Variants in CYTH1 observed in about 807,000 individuals in gnomAD.
CYTH1 encodes cytohesin 1.
CYTH1 carries 18 observed loss-of-function variants against 61.8 expected under a neutral mutation model. That is an observed-to-expected ratio of 0.29 (90% CI 0.20 to 0.43). CYTH1 has a LOEUF of 0.43. CYTH1 is among the 20% of genes least tolerant of loss of function. The pLI is 1.00. For missense variants in CYTH1, 336 were observed against 510.5 expected, an observed-to-expected ratio of 0.66 and a Z score of 3.29; for synonymous variants, 174 against 184.3, an observed-to-expected ratio of 0.94 and a Z score of 0.45.
At chr17:78,676,751 G>A (rs1247648323) in intron 13 of CYTH1, 1 of 342,616 alleles carries the variant, frequency 2.9e-6, no homozygotes, top group Non-Finnish European at 5.7e-6. Flanking sequence ...CGGTGCACAG[G>A]GAGGGGGCCC....
intron 1 of CYTH1, among the ~76,000 whole-genome samples, chr17:78,769,758 T>G (rs2093463104): frequency 6.6e-6 from 1 of 152,186 alleles, no homozygotes; most frequent in South Asian, 2.1e-4. Flanking sequence ...GGCTCACACC[T>G]GTAATTCTGA....
At chr17:78,720,643 G>A (rs1165739771) in intron 1 of CYTH1, among the ~76,000 whole-genome samples, 1 of 152,210 alleles carries the variant, frequency 6.6e-6, no homozygotes, top group African/African-American at 2.4e-5. Context: ...GAGAGGCTGA[G>A]GGAGGGAGAT....
chr17:78,756,988 C>CTTTTT (rs869039489), intron 1 of CYTH1, among the ~76,000 whole-genome samples: 1 of 129,764 alleles, frequency 7.7e-6, no homozygotes, highest in African/African-American at 2.8e-5. Flanking sequence ...TCTTTTTTTT[C>CTTTTT]TTTTTTTTTT....
At chr17:78,745,662 G>C (rs917660895) in intron 1 of CYTH1, among the ~76,000 whole-genome samples, 2 of 152,204 alleles carry the variant, frequency 1.3e-5, no homozygotes, top group East Asian at 1.9e-4. Context: ...GGGAGGCCGA[G>C]GCGGGTGGAT....
chr17:78,763,138 G>T (rs1353811319), intron 1 of CYTH1, among the ~76,000 whole-genome samples: 1 of 152,016 alleles, frequency 6.6e-6, no homozygotes, highest in Non-Finnish European at 1.5e-5. Context: ...GAGGTCAGGG[G>T]TTCGAGACCA....
chr17:78,759,239 C>T (rs2093413215), intron 1 of CYTH1, among the ~76,000 whole-genome samples: 1 of 152,174 alleles, frequency 6.6e-6, no homozygotes, highest in Non-Finnish European at 1.5e-5. Flanking sequence ...GCAACTGCCC[C>T]GAGGAAGGAC....
chr17:78,730,263 C>T (rs942964178), intron 1 of CYTH1, among the ~76,000 whole-genome samples: 11 of 151,578 alleles, frequency 7.3e-5, no homozygotes, highest in Admixed American at 4.6e-4. Context: ...CGGTGTCTCA[C>T]GCCTTTAATC....
intron 1 of CYTH1, among the ~76,000 whole-genome samples, chr17:78,760,367 A>ATATATATATATATATT (rs2093417270): frequency 1.6e-5 from 1 of 61,220 alleles, no homozygotes; most frequent in Admixed American, 1.9e-4. Flanking sequence ...ATATATATAT[A>ATATATATATATATATT]TATATATATA....
At chr17:78,736,226 G>A (rs2093319322) in intron 1 of CYTH1, among the ~76,000 whole-genome samples, 1 of 152,124 alleles carries the variant, frequency 6.6e-6, no homozygotes, top group Admixed American at 6.5e-5. Context: ...GGATATTTGT[G>A]GAATTCCCAG....
chr17:78,682,331 C>T (rs2092772435), intron 11 of CYTH1, among the ~76,000 whole-genome samples: 1 of 152,186 alleles, frequency 6.6e-6, no homozygotes, highest in East Asian at 1.9e-4. Context: ...TCAAAATCTC[C>T]TTGCTAATGC....
In CYTH1 at chr17:78,739,436, G is replaced by A. The variant is rs187235628; in HGVS notation, c.23-29704C>T. Among the ~76,000 whole-genome samples the A allele has an allele frequency of 9.2e-5, 14 of 152,314 alleles. No individual in the cohort carries two copies. The East Asian group carries it at 2.7e-3, about 29-fold the overall frequency. On this transcript the variant is annotated intron_variant, in intron 1 of 13. Transcript: ENST00000446868. ...TCAGAAAATAAGTACTGTGGAGTGG[G>A]GGAAGTGGAAGTGCAGTCAGGGAAG...
intron 10 of CYTH1, among the ~76,000 whole-genome samples, chr17:78,694,218 G>A (rs2092916457): frequency 6.6e-6 from 1 of 152,212 alleles, no homozygotes; most frequent in South Asian, 2.1e-4. Flanking sequence ...CCCTAGGCGG[G>A]CTTACGTGAC....
At chr17:78,683,002 T>C (rs1015440501) in intron 11 of CYTH1, among the ~76,000 whole-genome samples, 6 of 152,398 alleles carry the variant, frequency 3.9e-5, no homozygotes, top group South Asian at 2.1e-4. Context: ...TAGTTCTTCT[T>C]TGGAAAATAA....
At chr17:78,756,988 CTTT>C (rs869039489) in intron 1 of CYTH1, among the ~76,000 whole-genome samples, 2 of 129,764 alleles carry the variant, frequency 1.5e-5, no homozygotes, top group South Asian at 2.5e-4. Context: ...TCTTTTTTTT[CTTT>C]TTTTTTTTTT....
chr17:78,750,994 TTTTG>T (rs1346679471), intron 1 of CYTH1, among the ~76,000 whole-genome samples: 1 of 152,102 alleles, frequency 6.6e-6, no homozygotes, highest in East Asian at 1.9e-4. Flanking sequence ...TTGTGTTTTG[TTTTG>T]TTTAAGACAG....
chr17:78,750,082 T>G (rs2093373984), intron 1 of CYTH1, among the ~76,000 whole-genome samples: 1 of 152,100 alleles, frequency 6.6e-6, no homozygotes, highest in Non-Finnish European at 1.5e-5. Flanking sequence ...GAGATATGGG[T>G]GCACAGAGTG....
At chr17:78,758,491 G>C (rs1702394266) in intron 1 of CYTH1, among the ~76,000 whole-genome samples, 1 of 152,140 alleles carries the variant, frequency 6.6e-6, no homozygotes, top group African/African-American at 2.4e-5. Flanking sequence ...GATCACCCGA[G>C]GTCAGGAGTT....
At chr17:78,749,098 T>G (rs904850128) in intron 1 of CYTH1, among the ~76,000 whole-genome samples, 1 of 152,166 alleles carries the variant, frequency 6.6e-6, no homozygotes, top group Non-Finnish European at 1.5e-5. Flanking sequence ...TTGATACCTG[T>G]TATTGATTTA....
At chr17:78,755,122 A>C (rs1207549219) in intron 1 of CYTH1, among the ~76,000 whole-genome samples, 1 of 152,210 alleles carries the variant, frequency 6.6e-6, no homozygotes, top group African/African-American at 2.4e-5. Context: ...ATTACTCAGC[A>C]ATGAAAAGGA....
Sources: gnomAD v4.1 joint callset for allele counts (sites outside exome capture counted in the v4.1 genomes callset) on GRCh38, gnomAD v4.1.1 for gene constraint, MANE v1.5 for transcripts, NCBI Gene and HGNC (gene_info 2026-07-23, HGNC 2026-07-21) for gene names.